GLMN: variants seen among roughly 807,000 people sequenced by gnomAD.
The protein encoded by GLMN is glomulin.
GLMN carries 75 observed loss-of-function variants against 87.8 expected under a neutral mutation model. That is an observed-to-expected ratio of 0.85 (90% CI 0.71 to 1.04). GLMN has a LOEUF of 1.04. GLMN is among the 50% of genes least tolerant of loss of function. The pLI is 0.00. For synonymous variants in GLMN, 206 were observed against 221.6 expected (o/e 0.93, Z 0.63); for missense variants, 588 against 658.8 (o/e 0.89, Z 1.18).
At chr1:92,323,415 T>C in the GLMN span, 40 of 1,431,886 alleles carry the variant, frequency 2.8e-5, no homozygotes, top group Middle Eastern at 5.5e-4. Flanking sequence ...ATTTTTTATT[T>C]AGTTATTTTA....
the GLMN span, chr1:92,345,926 C>T: frequency 6.4e-7 from 1 of 1,569,070 alleles, no homozygotes; most frequent in Non-Finnish European, 8.8e-7. Flanking sequence ...TAAGTACTCT[C>T]TCAGATTTTA....
chr1:92,345,400 A>AAGAG, the GLMN span, among the ~76,000 whole-genome samples: 1 of 138,276 alleles, frequency 7.2e-6, no homozygotes, highest in African/African-American at 2.7e-5. Context: ...AAAAAAAAAA[A>AAGAG]AGAGAGAGAG....
chr1:92,323,568 C>T, the GLMN span: 1 of 1,613,936 alleles, frequency 6.2e-7, no homozygotes, highest in African/African-American at 1.3e-5. Flanking sequence ...GTGATAGTAG[C>T]AGTGACAATG....
At chr1:92,297,690 C>A in intron 2 of GLMN, 161 bp from the exon 3 acceptor site, 1 of 670,968 alleles carries the variant, frequency 1.5e-6, no homozygotes, top group South Asian at 1.9e-5. Flanking sequence ...TAGGATTACC[C>A]TAATAAATAC....
upstream of GLMN, among the ~76,000 whole-genome samples, chr1:92,301,909 T>A (rs1350590037): frequency 2.0e-5 from 3 of 152,294 alleles, 1 homozygote; most frequent in African/African-American, 4.8e-5. Context: ...GATATGTTAA[T>A]TAGCCTGATT....
At chr1:92,337,494 T>C in the GLMN span, among the ~76,000 whole-genome samples, 1 of 152,170 alleles carries the variant, frequency 6.6e-6, no homozygotes, top group African/African-American at 2.4e-5. Flanking sequence ...AAAAATTATT[T>C]GTCTTCAAAG....
chr1:92,361,356 C>T, the GLMN span, among the ~76,000 whole-genome samples: 8 of 152,208 alleles, frequency 5.3e-5, no homozygotes, highest in South Asian at 1.7e-3. Context: ...CAAGCACTTA[C>T]TCTAGCACTT....
At chr1:92,346,169 G>GTT in the GLMN span, among the ~76,000 whole-genome samples, 11 of 140,378 alleles carry the variant, frequency 7.8e-5, no homozygotes, top group African/African-American at 2.3e-4. Context: ...TCTCTTTTTT[G>GTT]TTTTTTTTTT....
chr1:92,343,786 A>G, the GLMN span, among the ~76,000 whole-genome samples: 1 of 152,214 alleles, frequency 6.6e-6, no homozygotes, highest in Non-Finnish European at 1.5e-5. Flanking sequence ...AGAAAAACAT[A>G]TAGCAGAATA....
intron 16 of GLMN, among the ~76,000 whole-genome samples, chr1:92,249,035 CAGG>C (rs1156247469): frequency 6.6e-6 from 1 of 151,878 alleles, no homozygotes; most frequent in African/African-American, 2.4e-5. Context: ...AATAACTCAA[CAGG>C]AGATTCATAG....
the GLMN span, among the ~76,000 whole-genome samples, chr1:92,327,264 T>G: frequency 6.6e-6 from 1 of 152,202 alleles, no homozygotes; most frequent in African/African-American, 2.4e-5. Flanking sequence ...AGTACTGAAG[T>G]CCCCCACTAT....
intron 7 of GLMN, among the ~76,000 whole-genome samples, chr1:92,279,858 G>A (rs1328744774): frequency 1.3e-5 from 2 of 152,194 alleles, no homozygotes; most frequent in East Asian, 1.9e-4. Context: ...CACTGCTAGC[G>A]CAGCAGTCTG....
chr1:92,291,176 G>A (rs748900228), intron 4 of GLMN, among the ~76,000 whole-genome samples: 1 of 152,170 alleles, frequency 6.6e-6, no homozygotes, highest in Non-Finnish European at 1.5e-5. Context: ...TGGAGATGCT[G>A]AATCAATGGG....
At chr1:92,340,961 G>A in the GLMN span, among the ~76,000 whole-genome samples, 1 of 152,008 alleles carries the variant, frequency 6.6e-6, no homozygotes, top group Non-Finnish European at 1.5e-5. Context: ...ATGAATCAAG[G>A]TATTTCAATC....
intron 9 of GLMN, 42 bp from the exon 10 acceptor site, chr1:92,268,177 T>C (rs1247269171): frequency 2.9e-6 from 3 of 1,042,934 alleles, no homozygotes; most frequent in Admixed American, 3.6e-5. Flanking sequence ...TTGTAAACTA[T>C]TTTAGAATGA....
chr1:92,283,444 A>G (rs1432853758), intron 7 of GLMN, among the ~76,000 whole-genome samples: 1 of 152,218 alleles, frequency 6.6e-6, no homozygotes, highest in Non-Finnish European at 1.5e-5. Context: ...AACTCTCAAT[A>G]AACTAGGTAT....
chr1:92,284,130 G>T (rs1184291288), intron 7 of GLMN, among the ~76,000 whole-genome samples: 1 of 151,912 alleles, frequency 6.6e-6, no homozygotes, highest in East Asian at 1.9e-4. Flanking sequence ...TTTTAAAGTT[G>T]ATATGGAACC....
At chr1:92,333,440 G>C in the GLMN span, 1 of 1,613,626 alleles carries the variant, frequency 6.2e-7, no homozygotes, top group Non-Finnish European at 8.5e-7. Flanking sequence ...AACCAGATTA[G>C]AAAACGCATC....
chr1:92,326,020 T>C, the GLMN span, among the ~76,000 whole-genome samples: 11 of 152,104 alleles, frequency 7.2e-5, no homozygotes, highest in African/African-American at 2.7e-4. Flanking sequence ...TCTGCTAATA[T>C]GCGTATGTAT....
Sources: gnomAD v4.1 joint callset for allele counts (sites outside exome capture counted in the v4.1 genomes callset) on GRCh38, gnomAD v4.1.1 for gene constraint, MANE v1.5 for transcripts, NCBI Gene and HGNC (gene_info 2026-07-23, HGNC 2026-07-21) for gene names.